The following DGKG variants were observed in gnomAD, a reference collection of about 807,000 sequenced individuals.
The protein encoded by DGKG is DAG kinase gamma.
Under a neutral mutation model 105.3 loss-of-function variants are expected in DGKG, and 78 were observed. The ratio of observed to expected loss-of-function variants is 0.74; its 90% CI spans 0.62 to 0.89. The LOEUF is 0.89. Ranked by LOEUF, DGKG falls within the 40% of genes least tolerant of loss-of-function variation. The pLI is 0.00. For synonymous variants in DGKG, 346 were observed against 367.1 expected, an observed-to-expected ratio of 0.94 and a Z score of 0.66; for missense variants, 958 against 1,020.1, an observed-to-expected ratio of 0.94 and a Z score of 0.83.
At chr3:186,262,055 T>C (rs1721802087) in intron 14 of DGKG, 1 of 340,420 alleles carries the variant, frequency 2.9e-6, no homozygotes, top group Admixed American at 4.6e-5. Context: ...GATGACGTGG[T>C]CTTGTACCTA....
Position 186,210,758 on chromosome 3 carries a change from C to T in DGKG, c.1917+1037G>A, listed in dbSNP as rs1718997772. The T allele has an allele frequency of 8.8e-6, 3 of 341,322 alleles. No homozygotes were observed. Among genetic ancestry groups the T allele is most frequent in the Admixed American group, 8.1e-5 (2 of 24,764 alleles). 21.1% of individuals were successfully genotyped at this position (341,322 alleles called of 1,614,324 possible). A position where few individuals can be genotyped will look rare whatever the true frequency, so the allele number is the denominator to read the frequency against. ...GGGCTTAGAGGCCAAGCTGGTGGGC[C>T]AAGAGGAGCCCACCCTGGCTGAACT... On this transcript the variant is annotated intron_variant, in intron 21 of 24. Transcript: ENST00000265022. This position sits in a 1 kb window ranked among gnomAD's most constrained non-coding sequence, Gnocchi z 5.2.
At chr3:186,302,477 TA>T (rs1723978848) in intron 3 of DGKG, among the ~76,000 whole-genome samples, 1 of 10,634 alleles carries the variant, frequency 9.4e-5, no homozygotes, top group Non-Finnish European at 1.8e-4. Context: ...TATATATATA[TA>T]TATATATATA....
At chr3:186,274,581 T>C (rs1411827564) in intron 10 of DGKG, among the ~76,000 whole-genome samples, 1 of 125,676 alleles carries the variant, frequency 8.0e-6, no homozygotes. Context: ...TGTTCCCCAC[T>C]CTGTGTCCAA....
rs1234859602 is a variant in DGKG at position 186,149,987 on chromosome 3, TG to T, written c.*102del. The T allele has an allele frequency of 9.5e-6, 14 of 1,477,272 alleles. No individual in the cohort carries two copies. The highest frequency in any genetic ancestry group is 9.9e-6 in the Non-Finnish European group (11 of 1,114,234). The allele number at this position is 1,477,272 out of a possible 1,614,324, so 91.5% of individuals were successfully genotyped here. On this transcript the variant is annotated 3_prime_UTR_variant, in exon 25 of 25. Coordinates refer to ENST00000265022, the MANE Select transcript of DGKG (RefSeq NM_001346.3). ...CACTGGTTAGAGAAGAGTGTGTATGTGTGTGTGTGTGTGCATGTGTGAGTGT... is the reference window on the plus strand; with the variant it reads ...CACTGGTTAGAGAAGAGTGTGTATGTTGTGTGTGTGTGCATGTGTGAGTGT...
intron 1 of DGKG, among the ~76,000 whole-genome samples, chr3:186,329,668 A>G (rs1223979250): frequency 6.6e-6 from 1 of 152,236 alleles, no homozygotes; most frequent in Non-Finnish European, 1.5e-5. Flanking sequence ...AGACTTGTGG[A>G]AAGTCGCAAC....
chr3:186,179,246 C>A lies in DGKG; in HGVS notation c.2095+8956G>T, dbSNP rs1033272399. 4.6e-5 allele frequency among the ~76,000 whole-genome samples: 7 copies of A among 152,308 alleles called. No individual in the cohort carries two copies. The South Asian group carries it at 1.5e-3, about 32-fold the overall frequency. On this transcript the variant is annotated intron_variant, in intron 22 of 24. Transcript: ENST00000265022. ...AGTTTTATCAGAACACAGCCGTGCCCGTTCATTTAAATATTGCCTATGGTG... is the reference window on the plus strand; with the variant it reads ...AGTTTTATCAGAACACAGCCGTGCCAGTTCATTTAAATATTGCCTATGGTG...
chr3:186,205,970 TA>T (rs369177353), intron 21 of DGKG, among the ~76,000 whole-genome samples: 9 of 152,322 alleles, frequency 5.9e-5, no homozygotes, highest in Non-Finnish European at 8.8e-5. Flanking sequence ...GATAACCAGA[TA>T]TTTTTTTTGA....
chr3:186,290,309 A>G (rs911976731), intron 5 of DGKG, among the ~76,000 whole-genome samples: 1 of 152,256 alleles, frequency 6.6e-6, no homozygotes, highest in Non-Finnish European at 1.5e-5. Flanking sequence ...ATAAAATTAC[A>G]TATTTAATGA....
At chr3:186,228,652 T>C (rs1211818876) in intron 20 of DGKG, among the ~76,000 whole-genome samples, 1 of 152,138 alleles carries the variant, frequency 6.6e-6, no homozygotes, top group African/African-American at 2.4e-5. Flanking sequence ...TCAGCCCTTC[T>C]CCCATACTGC....
intron 20 of DGKG, among the ~76,000 whole-genome samples, chr3:186,216,227 T>C (rs1484736988): frequency 6.6e-6 from 1 of 152,128 alleles, no homozygotes; most frequent in Admixed American, 6.5e-5. Flanking sequence ...CTTGAACTCC[T>C]GGCCTTATGT....
intron 13 of DGKG, among the ~76,000 whole-genome samples, chr3:186,265,545 C>G (rs1722006774): frequency 6.6e-6 from 1 of 151,962 alleles, no homozygotes; most frequent in Non-Finnish European, 1.5e-5. Context: ...ACCTTTGAGG[C>G]AAGGGACATA....
intron 1 of DGKG, among the ~76,000 whole-genome samples, chr3:186,345,952 A>G (rs867425708): frequency 1.2e-4 from 18 of 152,246 alleles, no homozygotes; most frequent in Middle Eastern, 3.4e-3. Context: ...TATTTTTAAT[A>G]GCGATGGGGT....
chr3:186,307,826 T>C (rs372251096), intron 2 of DGKG, among the ~76,000 whole-genome samples: 3 of 151,974 alleles, frequency 2.0e-5, no homozygotes, highest in African/African-American at 7.3e-5. Context: ...GAAACACTGT[T>C]GTACACTATG....
At chr3:186,253,054 A>G in intron 18 of DGKG, 39 bp downstream of exon 18, 1 of 1,569,648 alleles carries the variant, frequency 6.4e-7, no homozygotes, top group Non-Finnish European at 8.8e-7. Flanking sequence ...AAACAGGAAC[A>G]CCTGTTCCCA....
chr3:186,358,917 G>A (rs1296559870), intron 1 of DGKG, among the ~76,000 whole-genome samples: 1 of 152,116 alleles, frequency 6.6e-6, no homozygotes, highest in African/African-American at 2.4e-5. Flanking sequence ...TTTACATGAT[G>A]GTTTGATTTG....
Position 186,295,638 on chromosome 3 carries a change from T to TAAAAAAAAAAAAAAAAAAAAAAAA in DGKG, c.373+1782_373+1783insTTTTTTTTTTTTTTTTTTTTTTTT, listed in dbSNP as rs34829528. On this transcript the variant is annotated intron_variant, in intron 5 of 24. Transcript: ENST00000265022. ...TTTTCAATAAAATGATAATGCACAG[T>TAAAAAAAAAAAAAAAAAAAAAAAA]AAAAAAAAAAAAAAAAAAAAAAGGT... 3.5e-5 allele frequency among the ~76,000 whole-genome samples: 3 copies of TAAAAAAAAAAAAAAAAAAAAAAAA among 84,528 alleles called. 1 individual carries two copies. The highest frequency in any genetic ancestry group is 6.4e-5 in the Non-Finnish European group (3 of 46,812). The allele number at this position is 84,528 out of a possible 152,430, so 55.5% of individuals were successfully genotyped here.
rs184111217 is a variant in DGKG, at chr3:186,258,191, T to C, written c.1425-252A>G. ...AACATTCGACACAAATGGAAAATGG[T>C]TTTCTAGAAATTCTGTACTAGTTAC... On this transcript the variant is annotated intron_variant, in intron 16 of 24. Coordinates refer to ENST00000265022, the MANE Select transcript of DGKG (RefSeq NM_001346.3). Among the ~76,000 whole-genome samples the C allele has an allele frequency of 1.1e-4, 17 of 152,234 alleles. No homozygotes were observed. In the East Asian group the frequency reaches 3.3e-3, roughly 29 times the overall value.
At chr3:186,328,275 G>A (rs766375406) in intron 1 of DGKG, among the ~76,000 whole-genome samples, 5 of 152,102 alleles carry the variant, frequency 3.3e-5, no homozygotes, top group Admixed American at 1.3e-4. Context: ...TCTCTATTGC[G>A]GTGGTTGATG....
intron 20 of DGKG, among the ~76,000 whole-genome samples, chr3:186,229,245 C>CTT (rs536690937): frequency 9.7e-4 from 140 of 144,632 alleles, no homozygotes; most frequent in Non-Finnish European, 1.2e-3. Flanking sequence ...AGACTTGTAG[C>CTT]TTTTTTTTTT....
Sources: allele counts gnomAD v4.1 joint callset (sites outside exome capture counted in the v4.1 genomes callset), GRCh38; gene constraint gnomAD v4.1.1; non-coding constraint Gnocchi (gnomAD v3.1); transcripts MANE v1.5; gene names NCBI Gene and HGNC (gene_info 2026-07-23, HGNC 2026-07-21).